Variants in CCDC148 observed in about 807,000 individuals in gnomAD.
The protein encoded by CCDC148 is coiled-coil domain-containing protein 148.
In CCDC148, 89 loss-of-function variants were observed where a neutral mutation model predicts 85.7. The observed-to-expected ratio is 1.04, with a 90% confidence interval of 0.87 to 1.24. The LOEUF (loss-of-function observed/expected upper bound fraction) is 1.24. Among genes scored for constraint, CCDC148 ranks in the 50% most tolerant of loss-of-function variants. The probability of loss-of-function intolerance (pLI) is 0.00; values close to 1 mark genes in which losing one functional copy is unlikely to be tolerated. For missense variants in CCDC148, 692 were observed against 671.7 expected, an observed-to-expected ratio of 1.03 and a Z score of -0.33; for synonymous variants, 230 against 213.9, an observed-to-expected ratio of 1.08 and a Z score of -0.66.
chr2:158,297,025 G>A (rs865797350), intron 9 of CCDC148, among the ~76,000 whole-genome samples: 1 of 152,130 alleles, frequency 6.6e-6, no homozygotes. Flanking sequence ...CCCAACTGCC[G>A]TGACTATAGG....
At chr2:158,359,169 A>G (rs1411526379) in intron 1 of CCDC148, among the ~76,000 whole-genome samples, 1 of 152,178 alleles carries the variant, frequency 6.6e-6, no homozygotes, top group Admixed American at 6.5e-5. Flanking sequence ...CATAAAGTAA[A>G]ACATAAGTGA....
intron 11 of CCDC148, among the ~76,000 whole-genome samples, chr2:158,203,818 C>T (rs1302819541): frequency 6.6e-6 from 1 of 152,120 alleles, no homozygotes; most frequent in Non-Finnish European, 1.5e-5. Context: ...TGTAGGAACA[C>T]TTAGTAGAGA....
chr2:158,369,840 G>A (rs1684361555), intron 1 of CCDC148, among the ~76,000 whole-genome samples: 3 of 152,050 alleles, frequency 2.0e-5, no homozygotes, highest in African/African-American at 7.2e-5. Flanking sequence ...TTTGAGGTAT[G>A]TTTCATCAAT....
At chr2:158,441,395 T>C (rs1309538787) in intron 1 of CCDC148, among the ~76,000 whole-genome samples, 1 of 152,222 alleles carries the variant, frequency 6.6e-6, no homozygotes, top group Non-Finnish European at 1.5e-5. Context: ...TAATATTTTC[T>C]AACTAAATAT....
chr2:158,423,442 A>G (rs1196405925), intron 1 of CCDC148, among the ~76,000 whole-genome samples: 1 of 152,170 alleles, frequency 6.6e-6, no homozygotes, highest in Admixed American at 6.5e-5. Context: ...TCTTTGACAA[A>G]CCTGACAAAA....
Position 158,338,906 on chromosome 2 carries a change from ATCTG to A in CCDC148, c.583-3_583del. The A allele has an allele frequency of 6.2e-7, 1 of 1,601,840 alleles. No individual in the cohort carries two copies. The highest frequency in any genetic ancestry group is 1.1e-5 in the South Asian group (1 of 88,186). Reference sequence around the variant, plus strand: ...CTTTTCTTCCAAAGAATGATCTAGAATCTGAAAAAAAGTATATGATTATTTTATT... The same window carrying A: ...CTTTTCTTCCAAAGAATGATCTAGAAAAAAAAAGTATATGATTATTTTATT... On this transcript the variant is annotated splice_acceptor_variant and splice_polypyrimidine_tract_variant and coding_sequence_variant and intron_variant, in exon 7 of 14. Coordinates refer to ENST00000283233, the MANE Select transcript of CCDC148 (RefSeq NM_138803.4). LOFTEE classifies it high-confidence loss of function.
chr2:158,376,043 T>C (rs1684637172), intron 1 of CCDC148, among the ~76,000 whole-genome samples: 1 of 152,124 alleles, frequency 6.6e-6, no homozygotes, highest in Non-Finnish European at 1.5e-5. Flanking sequence ...ACTGGGATAA[T>C]ATGAAGCACC....
intron 9 of CCDC148, among the ~76,000 whole-genome samples, chr2:158,275,542 T>A (rs1490359319): frequency 6.6e-6 from 1 of 152,144 alleles, no homozygotes; most frequent in East Asian, 1.9e-4. Flanking sequence ...ACTAGGGAAT[T>A]TATATGAACA....
At chr2:158,298,932 A>C (rs766014550) in intron 9 of CCDC148, among the ~76,000 whole-genome samples, 1 of 152,030 alleles carries the variant, frequency 6.6e-6, no homozygotes, top group Non-Finnish European at 1.5e-5. Flanking sequence ...CATATTTTGG[A>C]CATTGTGAAT....
At chr2:158,359,662 A>G (rs1049580023) in intron 1 of CCDC148, among the ~76,000 whole-genome samples, 1 of 152,012 alleles carries the variant, frequency 6.6e-6, no homozygotes, top group Non-Finnish European at 1.5e-5. Context: ...CAAATACTAC[A>G]CTTTTTCCCA....
At position 158,366,198 on chromosome 2, in the gene CCDC148, T is replaced by G; in HGVS notation, c.26-7628A>C. On this transcript the variant is annotated intron_variant, in intron 1 of 13. Transcript: ENST00000283233. ...GACTGGGTGCCATAATGCTTTTAAT[T>G]TTATTAAAATTTGCTTTTCTTGCCC... 6.3e-6 allele frequency: 4 copies of G among 638,388 alleles called. No homozygotes were observed. The South Asian group carries it at 1.2e-4, about 20-fold the overall frequency. The allele number at this position is 638,388 out of a possible 1,614,324, so 39.5% of individuals were successfully genotyped here.
chr2:158,306,426 C>A (rs1428932971), intron 9 of CCDC148, among the ~76,000 whole-genome samples: 1 of 151,984 alleles, frequency 6.6e-6, no homozygotes, highest in Non-Finnish European at 1.5e-5. Context: ...TTGGAACCAA[C>A]CCAAATGTCC....
intron 1 of CCDC148, among the ~76,000 whole-genome samples, chr2:158,422,970 C>T (rs147542166): frequency 0.18 from 26,805 of 151,976 alleles, 3,065 homozygotes; most frequent in Non-Finnish European, 0.25. Context: ...TGAGTGAACT[C>T]CCATTCAGAA....
Position 158,427,257 on chromosome 2 carries a change from T to C in CCDC148, c.25+29158A>G, listed in dbSNP as rs190027238. 6.6e-4 allele frequency among the ~76,000 whole-genome samples: 101 copies of C among 152,298 alleles called. No homozygotes were observed. The South Asian group carries it at 0.017, about 26-fold the overall frequency. On this transcript the variant is annotated intron_variant, in intron 1 of 13. Coordinates refer to ENST00000283233, the MANE Select transcript of CCDC148 (RefSeq NM_138803.4). ...TTAACAAATTTTCATTTATGACTTA[T>C]TATGTTCATGATTCTATAAAAATAA... is the stretch of plus-strand genomic sequence containing the variant.
chr2:158,321,089 A>G (rs915967308), intron 7 of CCDC148, among the ~76,000 whole-genome samples: 2 of 152,192 alleles, frequency 1.3e-5, no homozygotes, highest in Non-Finnish European at 1.5e-5. Context: ...GCACTCCACC[A>G]TATCTAAGAG....
At chr2:158,268,579 ACC>A (rs766793760) in intron 9 of CCDC148, among the ~76,000 whole-genome samples, 7 of 152,020 alleles carry the variant, frequency 4.6e-5, no homozygotes, top group Non-Finnish European at 1.0e-4. Context: ...TCACCTAGTA[ACC>A]CTTTTTGTTT....
At chr2:158,255,609 A>G (rs558348736) in intron 9 of CCDC148, among the ~76,000 whole-genome samples, 3 of 151,872 alleles carry the variant, frequency 2.0e-5, no homozygotes, top group South Asian at 4.1e-4. Flanking sequence ...TATTAGTACA[A>G]TAGACTAAAG....
At chr2:158,373,915 T>A (rs1684550633) in intron 1 of CCDC148, among the ~76,000 whole-genome samples, 1 of 152,096 alleles carries the variant, frequency 6.6e-6, no homozygotes, top group Admixed American at 6.6e-5. Flanking sequence ...ATCATCTCTG[T>A]TTCTCCAGAC....
intron 1 of CCDC148, among the ~76,000 whole-genome samples, chr2:158,406,468 G>A (rs1686002258): frequency 6.6e-6 from 1 of 151,948 alleles, no homozygotes; most frequent in Non-Finnish European, 1.5e-5. Flanking sequence ...GCCATAATTT[G>A]ACATACAGGG....
Sources: allele counts gnomAD v4.1 joint callset (sites outside exome capture counted in the v4.1 genomes callset), GRCh38; gene constraint gnomAD v4.1.1; transcripts MANE v1.5; gene names NCBI Gene and HGNC (gene_info 2026-07-23, HGNC 2026-07-21).